The following PROSER2 variants were observed in gnomAD, a reference collection of about 807,000 sequenced individuals.
The protein encoded by PROSER2 is proline and serine-rich protein 2.
Under a neutral mutation model 14.6 loss-of-function variants are expected in PROSER2, and 18 were observed. The observed-to-expected ratio is 1.23, with a 90% confidence interval of 0.85 to 1.83. The LOEUF is 1.83. Among genes scored for constraint, PROSER2 ranks in the 40% most tolerant of loss-of-function variants. PROSER2 has a pLI of 0.00. For synonymous variants in PROSER2, 367 were observed against 286.4 expected (o/e 1.28, Z -2.84); for missense variants, 823 against 629.8 (o/e 1.31, Z -3.28).
Position 11,865,604 on chromosome 10 carries a change from C to T in PROSER2, c.139-927C>T, listed in dbSNP as rs963672929. On this transcript the variant is annotated intron_variant, in intron 2 of 3. Coordinates refer to ENST00000277570, the MANE Select transcript of PROSER2 (RefSeq NM_153256.4). The surrounding 1 kb of genome is among the most constrained non-coding windows in gnomAD (Gnocchi z 4.2). ...CTGTGGATTGATCTTGCTGGGGAAC[C>T]CTTGGGATCAGCCTTTTTTGGCTCT... Among the ~76,000 whole-genome samples the T allele has an allele frequency of 2.0e-5, 3 of 152,208 alleles. No individual in the cohort carries two copies. The highest frequency in any genetic ancestry group is 7.2e-5 in the African/African-American group (3 of 41,456).
At position 11,856,351 on chromosome 10, in the gene PROSER2, A is replaced by G. The variant is rs1199942152; in HGVS notation, c.138+4136A>G. 1.3e-5 allele frequency among the ~76,000 whole-genome samples: 2 copies of G among 152,162 alleles called. No individual in the cohort carries two copies. Among genetic ancestry groups the G allele is most frequent in the East Asian group, 3.9e-4 (2 of 5,190 alleles). On this transcript the variant is annotated intron_variant, in intron 2 of 3. Transcript: ENST00000277570. The surrounding 1 kb of genome is among the most constrained non-coding windows in gnomAD (Gnocchi z 5.3). The stretch of plus-strand genomic sequence containing the variant: ...CGAGGGCACGGTGCTGCCTCACACC[A>G]GCGTTCCCAGGCTCTCACTCTGAAT...
At position 11,869,983 on chromosome 10, in the gene PROSER2, C is replaced by T. The variant is rs892890108; in HGVS notation, c.885C>T (p.Ala295=). The T allele has an allele frequency of 2.4e-5, 31 of 1,294,590 alleles. No homozygotes were observed. In the African/African-American group the frequency reaches 4.5e-4, roughly 19 times the overall value. The allele number at this position is 1,294,590 out of a possible 1,614,324, so 80.2% of individuals were successfully genotyped here. Residue 295 remains alanine, a synonymous_variant, in exon 4 of 4, where the codon GCC becomes GCT. Transcript: ENST00000277570. This position sits in a 1 kb window ranked among gnomAD's most constrained non-coding sequence, Gnocchi z 4.4. ...VLATIHGHAG[A]FPAAGDAGEG... is the part of the protein sequence containing the mutation. ...CCACCATCCACGGCCACGCCGGCGCCTTCCCCGCCGCGGGGGACGCCGGCG... is the reference window on the plus strand; with the variant it reads ...CCACCATCCACGGCCACGCCGGCGCTTTCCCCGCCGCGGGGGACGCCGGCG...
intron 1 of PROSER2, among the ~76,000 whole-genome samples, chr10:11,843,126 T>G (rs1177684794): frequency 3.2e-4 from 48 of 149,790 alleles, no homozygotes; most frequent in African/African-American, 7.5e-4. Context: ...ATTTTTAGTA[T>G]AGACGGGGTT....
At chr10:11,840,316 C>T (rs1833819055) in intron 1 of PROSER2, among the ~76,000 whole-genome samples, 1 of 151,284 alleles carries the variant, frequency 6.6e-6, no homozygotes, top group Non-Finnish European at 1.5e-5. Context: ...AAAATTCCTC[C>T]TAATTTGTGA....
chr10:11,870,354 A>C lies in PROSER2; in HGVS notation c.1256A>C (p.Glu419Ala), dbSNP rs1051891414. Residue 419 changes from glutamate to alanine, a missense_variant, in exon 4 of 4, where the codon GAG becomes GCG. Coordinates refer to ENST00000277570, the MANE Select transcript of PROSER2 (RefSeq NM_153256.4). ...VQFAGRGSSE[E>A]ARREALRKLG... ...TTCGCGGGCCGCGGCTCCTCGGAGGAGGCGCGCAGGGAGGCCCTGCGGAAG... is the reference window on the plus strand; with the variant it reads ...TTCGCGGGCCGCGGCTCCTCGGAGGCGGCGCGCAGGGAGGCCCTGCGGAAG... 5.1e-5 allele frequency: 77 copies of C among 1,508,186 alleles called. 1 individual carries two copies. The East Asian group carries it at 1.9e-3, about 37-fold the overall frequency. 93.4% of individuals were successfully genotyped at this position (1,508,186 alleles called of 1,614,324 possible). A position where few individuals can be genotyped will look rare whatever the true frequency, so the allele number is the denominator to read the frequency against.
At chr10:11,840,050 T>G (rs986724823) in intron 1 of PROSER2, among the ~76,000 whole-genome samples, 4 of 151,554 alleles carry the variant, frequency 2.6e-5, no homozygotes, top group Non-Finnish European at 5.9e-5. Context: ...CCTCCCAGTC[T>G]CAAGTGATTC....
rs549977130 is a variant in PROSER2, at chr10:11,826,658, A to AGTT, written c.-82+3189_-82+3190insTTG. ...AGTGGTGTGATCTTGGCTCACTGCAAGCTCTGCCTCCCGTGTTCACACCAT... is the reference window on the plus strand; with the variant it reads ...AGTGGTGTGATCTTGGCTCACTGCAAGTTGCTCTGCCTCCCGTGTTCACACCAT... On this transcript the variant is annotated intron_variant, in intron 1 of 3. Coordinates refer to ENST00000277570, the MANE Select transcript of PROSER2 (RefSeq NM_153256.4). Among the ~76,000 whole-genome samples, 124 of 151,236 alleles carry AGTT rather than the reference A, an allele frequency of 8.2e-4. 1 individual carries two copies. The East Asian group carries it at 0.021, about 26-fold the overall frequency.
At chr10:11,845,583 A>AC (rs78560130) in intron 1 of PROSER2, among the ~76,000 whole-genome samples, 11,342 of 152,214 alleles carry the variant, frequency 0.075, 507 homozygotes, top group East Asian at 0.1. Context: ...AGGGAAAGCA[A>AC]CAGAGGATGG....
chr10:11,852,541 C>T (rs1588492468), intron 2 of PROSER2, among the ~76,000 whole-genome samples: 1 of 150,888 alleles, frequency 6.6e-6, no homozygotes, highest in Admixed American at 6.6e-5. Flanking sequence ...ACAGTTGACT[C>T]TTTTTTTTGA....
At chr10:11,833,235 CTT>C (rs5783233) in intron 1 of PROSER2, among the ~76,000 whole-genome samples, 28 of 87,666 alleles carry the variant, frequency 3.2e-4, no homozygotes, top group African/African-American at 8.1e-4. Context: ...AATGTTGTGG[CTT>C]TTTTTTTTTT....
At position 11,870,146 on chromosome 10, in the gene PROSER2, G is replaced by C; in HGVS notation, c.1048G>C (p.Glu350Gln). Residue 350 changes from glutamate (E) to glutamine (Q), a missense_variant, in exon 4 of 4, where the codon GAG becomes CAG. By Grantham distance (29) the Glu-to-Gln change is conservative. Coordinates refer to ENST00000277570, the MANE Select transcript of PROSER2 (RefSeq NM_153256.4). ...GGCCAACGGCTTCCCAAGTGCGCACGAGGCCCTGAAGAGCGCACCCAGCTC... is the reference window on the plus strand; with the variant it reads ...GGCCAACGGCTTCCCAAGTGCGCACCAGGCCCTGAAGAGCGCACCCAGCTC... Reference protein sequence around the residue: ...ALANGFPSAHEALKSAPSSFA... With the variant: ...ALANGFPSAHQALKSAPSSFA... The C allele has an allele frequency of 7.0e-7, 1 of 1,425,990 alleles. No individual in the cohort carries two copies. The highest frequency in any genetic ancestry group is 1.4e-5 in the South Asian group (1 of 70,898). The allele number at this position is 1,425,990 out of a possible 1,614,324, so 88.3% of individuals were successfully genotyped here. A position where few individuals can be genotyped will look rare whatever the true frequency, so the allele number is the denominator to read the frequency against.
Position 11,869,869 on chromosome 10 carries a change from C to G in PROSER2, c.771C>G (p.Ile257Met), listed in dbSNP as rs1198153633. 5.0e-6 allele frequency: 8 copies of G among 1,594,726 alleles called. No individual in the cohort carries two copies. The highest frequency in any genetic ancestry group is 6.8e-6 in the Non-Finnish European group (8 of 1,172,722). Residue 257 changes from isoleucine to methionine, a missense_variant, in exon 4 of 4, where the codon ATC becomes ATG. Coordinates refer to ENST00000277570, the MANE Select transcript of PROSER2 (RefSeq NM_153256.4). The surrounding 1 kb of genome is among the most constrained non-coding windows in gnomAD (Gnocchi z 4.4). Reference protein sequence around the residue: ...QPKAPRFPSNIIVTNGAAREP... With the variant: ...QPKAPRFPSNMIVTNGAAREP... ...AGGCACCCCGCTTCCCCAGCAACAT[C>G]ATCGTCACCAACGGCGCGGCCCGGG...
intron 1 of PROSER2, among the ~76,000 whole-genome samples, chr10:11,846,271 G>GC: frequency 6.6e-6 from 1 of 152,270 alleles, no homozygotes; most frequent in East Asian, 1.9e-4. Context: ...ACAGGTGTGA[G>GC]CCACCATGCC....
chr10:11,848,110 G>A (rs1833951820), intron 1 of PROSER2, among the ~76,000 whole-genome samples: 2 of 152,100 alleles, frequency 1.3e-5, no homozygotes, highest in Non-Finnish European at 2.9e-5. Context: ...TTGTTTCCCT[G>A]TCAAAGTGGG....
At chr10:11,831,026 C>T (rs1364658663) in intron 1 of PROSER2, among the ~76,000 whole-genome samples, 4 of 152,178 alleles carry the variant, frequency 2.6e-5, no homozygotes, top group African/African-American at 9.7e-5. Context: ...TGGATTCCCA[C>T]CAGGAGGTCT....
At chr10:11,831,800 C>G (rs924132013) in intron 1 of PROSER2, 17 of 152,230 alleles carry the variant, frequency 1.1e-4, no homozygotes, top group African/African-American at 4.1e-4. Context: ...CCCTCGAGGC[C>G]TGTTAAAACC....
intron 2 of PROSER2, among the ~76,000 whole-genome samples, chr10:11,861,157 A>G (rs888780789): frequency 7.9e-5 from 12 of 152,178 alleles, no homozygotes; most frequent in African/African-American, 2.9e-4. Flanking sequence ...TATAACCAAC[A>G]TGATCTTTCC....
chr10:11,861,561 G>A lies in PROSER2; in HGVS notation c.139-4970G>A, dbSNP rs543161323. Among the ~76,000 whole-genome samples, 12 of 152,292 alleles carry A rather than the reference G, an allele frequency of 7.9e-5. No homozygotes were observed. The South Asian group carries it at 1.9e-3, about 24-fold the overall frequency. The stretch of plus-strand genomic sequence containing the variant: ...AAGTAGGTGAGATGCAGCCGTGCAC[G>A]GATGGGCGTCGCTGCCTTAGAAGCC... On this transcript the variant is annotated intron_variant, in intron 2 of 3. Coordinates refer to ENST00000277570, the MANE Select transcript of PROSER2 (RefSeq NM_153256.4).
In PROSER2 at chr10:11,853,173, G is replaced by A. The variant is rs181705127; in HGVS notation, c.138+958G>A. ...TCAGATACACTGAGCCATAAAATTAGCCTCAGTTACGCTGAAGCTAGATAT... is the reference window on the plus strand; with the variant it reads ...TCAGATACACTGAGCCATAAAATTAACCTCAGTTACGCTGAAGCTAGATAT... On this transcript the variant is annotated intron_variant, in intron 2 of 3. Transcript: ENST00000277570. Among the ~76,000 whole-genome samples the A allele has an allele frequency of 4.6e-5, 7 of 152,298 alleles. No homozygotes were observed. In the East Asian group the frequency reaches 1.4e-3, roughly 29 times the overall value.
Sources: gnomAD v4.1 joint callset for allele counts (sites outside exome capture counted in the v4.1 genomes callset) on GRCh38, gnomAD v4.1.1 for gene constraint, Gnocchi (gnomAD v3.1) non-coding constraint, MANE v1.5 for transcripts, NCBI Gene and HGNC (gene_info 2026-07-23, HGNC 2026-07-21) for gene names.